Variants in FAXDC2 observed in about 807,000 individuals in gnomAD.
FAXDC2 encodes the protein fatty acid hydroxylase domain-containing protein 2.
A neutral mutation model predicts 40.9 loss-of-function variants in FAXDC2; 41 were observed. The ratio of observed to expected loss-of-function variants is 1.00; its 90% CI spans 0.78 to 1.30. The LOEUF is 1.30. FAXDC2 is among the 50% of genes most tolerant of loss of function. The pLI is 0.00. For missense variants in FAXDC2, 390 were observed against 408.8 expected, an observed-to-expected ratio of 0.95 and a Z score of 0.40; for synonymous variants, 157 against 149.3, an observed-to-expected ratio of 1.05 and a Z score of -0.38.
intron 3 of FAXDC2, 51 bp downstream of exon 3, chr5:154,834,792 C>T (rs1760278038): frequency 6.3e-7 from 1 of 1,592,842 alleles, no homozygotes; most frequent in Non-Finnish European, 8.6e-7. Flanking sequence ...CCCCTATGCT[C>T]TGCCCCCGAC....
intron 2 of FAXDC2, 180 bp from the exon 3 acceptor site, chr5:154,835,114 C>G (rs1448742304): frequency 9.7e-5 from 57 of 587,232 alleles, no homozygotes; most frequent in Admixed American, 8.3e-4. Context: ...ATCAGGAGCT[C>G]TCAGGCTGTA....
chr5:154,823,481 G>C lies in FAXDC2; in HGVS notation c.478C>G (p.Pro160Ala), dbSNP rs1362207226. 12 of 1,614,016 alleles carry C rather than the reference G, an allele frequency of 7.4e-6. No homozygotes were observed. Among genetic ancestry groups the C allele is most frequent in the Non-Finnish European group, 1.0e-5 (12 of 1,180,018 alleles). Residue 160 changes from proline (P) to alanine (A), a missense_variant, in exon 6 of 9, where the codon CCC (proline) becomes GCC (alanine). Pro to Ala is a conservative substitution (Grantham distance 27). Transcript: ENST00000326080. ...LYPFLKWWRD[P>A]CRRELPTFHW... ...AAGGTGGGTAGCTCACGGCGGCAGG[G>C]GTCTCTCCACCATTTGAGGAAGGGA...
chr5:154,845,533 T>C (rs1760577796), intron 1 of FAXDC2, among the ~76,000 whole-genome samples: 1 of 152,018 alleles, frequency 6.6e-6, no homozygotes, highest in Non-Finnish European at 1.5e-5. Flanking sequence ...AGCGGGAGGA[T>C]TGCTTGAGTC....
At chr5:154,822,166 G>A in intron 7 of FAXDC2, 1 of 271,566 alleles carries the variant, frequency 3.7e-6, no homozygotes, top group Non-Finnish European at 7.0e-6. Flanking sequence ...ACTGAAGCTA[G>A]AGGATCACAT....
At position 154,841,473 on chromosome 5, in the gene FAXDC2, A is replaced by G. The variant is rs73806484; in HGVS notation, c.1-3295T>C. Among the ~76,000 whole-genome samples, 1,119 of 152,284 alleles carry G rather than the reference A, an allele frequency of 7.3e-3. 12 individuals carry two copies. Among genetic ancestry groups the G allele is most frequent in the African/African-American group, 0.025 (1,048 of 41,558 alleles). On this transcript the variant is annotated intron_variant, in intron 1 of 8. Coordinates refer to ENST00000326080, the MANE Select transcript of FAXDC2 (RefSeq NM_032385.5). ...CTTCCAGAAGGACAGCTGAGCAAGC[A>G]TTTCAGGATGGTAAGTCTCAGCCTA...
chr5:154,830,959 G>C (rs1161021597), intron 4 of FAXDC2, 37 bp from the exon 5 acceptor site: 2 of 1,610,460 alleles, frequency 1.2e-6, no homozygotes, highest in South Asian at 2.2e-5. Flanking sequence ...GGGCGACTTT[G>C]GGTTCTCACA....
Position 154,830,905 on chromosome 5 carries a change from A to C in FAXDC2, c.262T>G (p.Cys88Gly), listed in dbSNP as rs1331098887. The C allele has an allele frequency of 5.6e-6, 9 of 1,614,100 alleles. No homozygotes were observed. Among genetic ancestry groups the C allele is most frequent in the Non-Finnish European group, 7.6e-6 (9 of 1,179,928 alleles). Reference protein sequence around the residue: ...LFFIGAIQVPCLFFWSFNGLL... With the variant: ...LFFIGAIQVPGLFFWSFNGLL... ...CCATTGAAGCTCCAGAAGAAGAGACAAGGCACTTGGATGGCACCTGAGATT... is the reference window on the plus strand; with the variant it reads ...CCATTGAAGCTCCAGAAGAAGAGACCAGGCACTTGGATGGCACCTGAGATT... Residue 88 changes from cysteine to glycine, a missense_variant, in exon 5 of 9, where the codon TGT becomes GGT. Coordinates refer to ENST00000326080, the MANE Select transcript of FAXDC2 (RefSeq NM_032385.5).
intron 1 of FAXDC2, among the ~76,000 whole-genome samples, chr5:154,847,590 C>T (rs562290176): frequency 4.9e-4 from 73 of 149,470 alleles, no homozygotes; most frequent in Non-Finnish European, 8.6e-4. Flanking sequence ...CGGGTTCAAG[C>T]GATTCTCCTG....
chr5:154,823,670 C>G (rs1759945771), intron 5 of FAXDC2, 78 bp from the exon 6 acceptor site: 1 of 1,212,560 alleles, frequency 8.2e-7, no homozygotes, highest in African/African-American at 1.5e-5. Flanking sequence ...ACAGGAGGCC[C>G]TCACTCTGGT....
At chr5:154,847,349 C>T (rs1271259551) in intron 1 of FAXDC2, among the ~76,000 whole-genome samples, 1 of 152,118 alleles carries the variant, frequency 6.6e-6, no homozygotes, top group Non-Finnish European at 1.5e-5. Context: ...GAAGCTATAG[C>T]TAATGTTTAC....
chr5:154,842,512 GTTT>G (rs772426610), intron 1 of FAXDC2, among the ~76,000 whole-genome samples: 5 of 51,618 alleles, frequency 9.7e-5, no homozygotes, highest in African/African-American at 3.0e-4. Context: ...CCCTTTGTGT[GTTT>G]TTTTTTTTTT....
chr5:154,823,654 C>G (rs1759945535), intron 5 of FAXDC2, 62 bp from the exon 6 acceptor site: 1 of 1,400,110 alleles, frequency 7.1e-7, no homozygotes, highest in Non-Finnish European at 1.0e-6. Context: ...CCACCGTGAC[C>G]TGCTTACAGG....
At chr5:154,849,364 C>G (rs1760679966) in intron 1 of FAXDC2, among the ~76,000 whole-genome samples, 1 of 152,072 alleles carries the variant, frequency 6.6e-6, no homozygotes. Context: ...TTTAGTAATA[C>G]TCTCTTCACT....
At chr5:154,839,216 C>T (rs897395756) in intron 1 of FAXDC2, among the ~76,000 whole-genome samples, 35 of 151,406 alleles carry the variant, frequency 2.3e-4, no homozygotes, top group African/African-American at 8.5e-4. Context: ...GTCCCAGCTA[C>T]TCAGGAGGCT....
At chr5:154,824,830 T>G (rs1324151379) in intron 5 of FAXDC2, 3 of 349,764 alleles carry the variant, frequency 8.6e-6, no homozygotes. Flanking sequence ...GGCTCACACC[T>G]GTAATCCCAG....
At chr5:154,843,291 CA>C (rs1760524608) in intron 1 of FAXDC2, among the ~76,000 whole-genome samples, 1 of 152,198 alleles carries the variant, frequency 6.6e-6, no homozygotes, top group Non-Finnish European at 1.5e-5. Context: ...CCTGTCTTAT[CA>C]ACTCCATTAT....
intron 4 of FAXDC2, among the ~76,000 whole-genome samples, chr5:154,831,486 T>A (rs1430844669): frequency 6.6e-6 from 1 of 152,072 alleles, no homozygotes; most frequent in Admixed American, 6.6e-5. Context: ...CCTCTCTCTG[T>A]CATCCAGGCT....
intron 5 of FAXDC2, among the ~76,000 whole-genome samples, chr5:154,825,287 C>T (rs1414968103): frequency 6.6e-6 from 1 of 151,168 alleles, no homozygotes; most frequent in East Asian, 1.9e-4. Context: ...TCACTTGAAT[C>T]CGGGAGGCGG....
intron 1 of FAXDC2, among the ~76,000 whole-genome samples, chr5:154,845,939 C>G (rs919195651): frequency 6.6e-6 from 1 of 151,114 alleles, no homozygotes; most frequent in African/African-American, 2.4e-5. Flanking sequence ...GCATGCGTCA[C>G]CACACCCAGC....
Sources: allele counts gnomAD v4.1 joint callset (sites outside exome capture counted in the v4.1 genomes callset), GRCh38; gene constraint gnomAD v4.1.1; transcripts MANE v1.5; gene names NCBI Gene and HGNC (gene_info 2026-07-23, HGNC 2026-07-21).